SLC9A9: variants seen among roughly 807,000 people sequenced by gnomAD.
SLC9A9 encodes the protein sodium/hydrogen exchanger 9.
In SLC9A9, 62 loss-of-function variants were observed where a neutral mutation model predicts 77.8. That is an observed-to-expected ratio of 0.80 (90% confidence interval 0.65 to 0.98). SLC9A9 has a LOEUF of 0.98. Among genes scored for constraint, SLC9A9 ranks in the 50% least tolerant of loss-of-function variants. The pLI is 0.00. For missense variants in SLC9A9, 775 were observed against 774.9 expected, an observed-to-expected ratio of 1.00 and a Z score of 0.00; for synonymous variants, 320 against 283.5, an observed-to-expected ratio of 1.13 and a Z score of -1.29.
At chr3:143,774,533 A>G (rs1437898530) in intron 4 of SLC9A9, among the ~76,000 whole-genome samples, 1 of 152,152 alleles carries the variant, frequency 6.6e-6, no homozygotes, top group Non-Finnish European at 1.5e-5. Context: ...AACACTGCCC[A>G]CTTCTTAGGG....
intron 14 of SLC9A9, among the ~76,000 whole-genome samples, chr3:143,290,707 T>C (rs768033649): frequency 2.0e-5 from 3 of 152,230 alleles, no homozygotes; most frequent in Non-Finnish European, 4.4e-5. Context: ...ACTACGTTAA[T>C]AGATGTTAAA....
intron 2 of SLC9A9, among the ~76,000 whole-genome samples, chr3:143,803,169 G>T (rs1029609896): frequency 3.9e-5 from 6 of 152,176 alleles, no homozygotes; most frequent in African/African-American, 1.4e-4. Context: ...CCGTTCCAGA[G>T]TAAAGCTGTG....
At chr3:143,784,800 C>G (rs749423227) in intron 4 of SLC9A9, among the ~76,000 whole-genome samples, 2 of 152,232 alleles carry the variant, frequency 1.3e-5, no homozygotes, top group Non-Finnish European at 2.9e-5. Context: ...TACTGAAATC[C>G]TAACACCCAA....
intron 11 of SLC9A9, among the ~76,000 whole-genome samples, chr3:143,490,264 G>C (rs2035717309): frequency 6.6e-6 from 1 of 152,096 alleles, no homozygotes; most frequent in African/African-American, 2.4e-5. Flanking sequence ...CATGTGAAAG[G>C]AACCCAAGTG....
At chr3:143,671,645 T>C (rs981031298) in intron 5 of SLC9A9, among the ~76,000 whole-genome samples, 31 of 152,314 alleles carry the variant, frequency 2.0e-4, no homozygotes, top group African/African-American at 7.0e-4. Flanking sequence ...TTTACAGACA[T>C]AGGTTTATGT....
At chr3:143,336,449 G>A (rs932417500) in intron 14 of SLC9A9, among the ~76,000 whole-genome samples, 6 of 152,054 alleles carry the variant, frequency 3.9e-5, no homozygotes, top group South Asian at 2.1e-4. Context: ...CGGTGTTCAC[G>A]GCAGCATTAT....
At chr3:143,745,610 T>C (rs1935182410) in intron 4 of SLC9A9, among the ~76,000 whole-genome samples, 1 of 152,122 alleles carries the variant, frequency 6.6e-6, no homozygotes, top group Non-Finnish European at 1.5e-5. Context: ...GCCTAGAACA[T>C]TAGGGCCGCT....
intron 12 of SLC9A9, among the ~76,000 whole-genome samples, chr3:143,452,912 TAAG>T (rs1002367156): frequency 1.3e-5 from 2 of 152,050 alleles, no homozygotes; most frequent in Admixed American, 6.6e-5. Flanking sequence ...AATATTTAGA[TAAG>T]AAGCATGTGA....
intron 14 of SLC9A9, among the ~76,000 whole-genome samples, chr3:143,270,726 A>G (rs1224897538): frequency 6.6e-6 from 1 of 152,226 alleles, no homozygotes; most frequent in East Asian, 1.9e-4. Flanking sequence ...AAGAGGCCTG[A>G]GCAACTTCTG....
chr3:143,512,544 A>G lies in SLC9A9; in HGVS notation c.1090-17096T>C, dbSNP rs2036133399. On this transcript the variant is annotated intron_variant, in intron 9 of 15. Coordinates refer to ENST00000316549, the MANE Select transcript of SLC9A9 (RefSeq NM_173653.4). ...TATATAAAAGTTATGCTTACATGAT[A>G]CTGTAGTCTATTAAGTGTACAATAC... is the stretch of plus-strand genomic sequence containing the variant. 2.0e-5 allele frequency among the ~76,000 whole-genome samples: 3 copies of G among 152,222 alleles called. No individual in the cohort carries two copies. The South Asian group carries it at 6.2e-4, about 31-fold the overall frequency.
chr3:143,368,094 A>G (rs1002903733), intron 13 of SLC9A9, among the ~76,000 whole-genome samples: 2 of 152,158 alleles, frequency 1.3e-5, no homozygotes, highest in Non-Finnish European at 2.9e-5. Flanking sequence ...CTCTTTTATT[A>G]TCCTCTGTTT....
chr3:143,713,941 T>C (rs570214268), intron 4 of SLC9A9, among the ~76,000 whole-genome samples: 2 of 152,214 alleles, frequency 1.3e-5, no homozygotes, highest in Non-Finnish European at 2.9e-5. Context: ...TTAAAAAGGT[T>C]GACAGCACTC....
rs1937745967 is a variant in SLC9A9, at chr3:143,267,030, C to T, written c.1711-101G>A. 2.9e-6 allele frequency: 3 copies of T among 1,038,020 alleles called. No individual in the cohort carries two copies. In the African/African-American group the frequency reaches 4.8e-5, roughly 17 times the overall value. 64.3% of individuals were successfully genotyped at this position (1,038,020 alleles called of 1,614,324 possible). On this transcript the variant is annotated intron_variant, in intron 15 of 15. Transcript: ENST00000316549. ...TTTTTTAAACAGAATGCATGTTTTC[C>T]TTTCTGTAACTGCCCTGTCTGGCCT... is the stretch of plus-strand genomic sequence containing the variant.
chr3:143,279,907 C>T (rs542886391), intron 14 of SLC9A9, among the ~76,000 whole-genome samples: 71 of 152,308 alleles, frequency 4.7e-4, no homozygotes, highest in African/African-American at 1.6e-3. Context: ...GCAGCCTCGA[C>T]CTCCTGAGCT....
chr3:143,809,903 A>C (rs552999920), intron 2 of SLC9A9, among the ~76,000 whole-genome samples: 1 of 152,328 alleles, frequency 6.6e-6, no homozygotes, highest in East Asian at 1.9e-4. Context: ...TGGAGAGTAC[A>C]TTTATAGATG....
chr3:143,568,214 G>C (rs1182787362), intron 8 of SLC9A9, among the ~76,000 whole-genome samples: 2 of 152,128 alleles, frequency 1.3e-5, no homozygotes, highest in African/African-American at 4.8e-5. Context: ...CAGTTATACA[G>C]CCTCCTCTCT....
intron 2 of SLC9A9, among the ~76,000 whole-genome samples, chr3:143,806,307 C>T (rs1488896095): frequency 1.3e-5 from 2 of 152,136 alleles, no homozygotes; most frequent in African/African-American, 4.8e-5. Context: ...TCCAAACCGG[C>T]CACTCTCTGT....
chr3:143,541,219 TC>T (rs1365534616), intron 9 of SLC9A9, among the ~76,000 whole-genome samples: 1 of 152,192 alleles, frequency 6.6e-6, no homozygotes, highest in Non-Finnish European at 1.5e-5. Flanking sequence ...ATTGCTTCTG[TC>T]TTTTTGCTCT....
chr3:143,660,843 C>T (rs963460929), intron 5 of SLC9A9, among the ~76,000 whole-genome samples: 1 of 152,142 alleles, frequency 6.6e-6, no homozygotes, highest in Non-Finnish European at 1.5e-5. Flanking sequence ...CTTAAACAAA[C>T]CCATGTTTTA....
Sources: allele counts gnomAD v4.1 joint callset (sites outside exome capture counted in the v4.1 genomes callset), GRCh38; gene constraint gnomAD v4.1.1; transcripts MANE v1.5; gene names NCBI Gene and HGNC (gene_info 2026-07-23, HGNC 2026-07-21).